WDPCP: variants seen among roughly 807,000 people sequenced by gnomAD.
The protein encoded by WDPCP is WD repeat-containing and planar cell polarity effector protein fritz homolog.
In WDPCP, 71 loss-of-function variants were observed where a neutral mutation model predicts 93.1. The observed-to-expected ratio is 0.76, with a 90% CI of 0.63 to 0.93. The LOEUF is 0.93. WDPCP is among the 40% of genes least tolerant of loss of function. The probability of loss-of-function intolerance (pLI) is 0.00; values close to 1 mark genes in which losing one functional copy is unlikely to be tolerated. For synonymous variants in WDPCP, 315 were observed against 315.0 expected (o/e 1.00, Z 0.00); for missense variants, 844 against 887.4 (o/e 0.95, Z 0.62).
At chr2:63,470,599 A>T (rs986645687) in intron 6 of WDPCP, among the ~76,000 whole-genome samples, 2 of 152,172 alleles carry the variant, frequency 1.3e-5, no homozygotes, top group Non-Finnish European at 2.9e-5. Flanking sequence ...CTACGGCAAC[A>T]GCCTTCTAAC....
At chr2:63,300,419 C>A (rs1685238156) in intron 13 of WDPCP, among the ~76,000 whole-genome samples, 1 of 152,104 alleles carries the variant, frequency 6.6e-6, no homozygotes, top group African/African-American at 2.4e-5. Flanking sequence ...CCATTTTAGA[C>A]CTTTCATGGA....
chr2:63,255,538 C>G (rs867734764), intron 14 of WDPCP, among the ~76,000 whole-genome samples: 1 of 152,022 alleles, frequency 6.6e-6, no homozygotes, highest in African/African-American at 2.4e-5. Flanking sequence ...TTTACAGGAG[C>G]CTGGGTCCTC....
chr2:63,384,957 T>TA (rs1692612040), intron 10 of WDPCP, among the ~76,000 whole-genome samples: 1 of 151,900 alleles, frequency 6.6e-6, no homozygotes. Context: ...AGCAATATAT[T>TA]AAAAAGATAA....
chr2:63,718,094 T>C (rs925568684), intron 2 of WDPCP, among the ~76,000 whole-genome samples: 1 of 152,066 alleles, frequency 6.6e-6, no homozygotes, highest in African/African-American at 2.4e-5. Flanking sequence ...CCCATATATA[T>C]GATAAATATA....
chr2:63,215,217 C>A (rs1159665297), intron 14 of WDPCP, among the ~76,000 whole-genome samples: 2 of 152,178 alleles, frequency 1.3e-5, no homozygotes, highest in Non-Finnish European at 2.9e-5. Context: ...TACCTGACTT[C>A]AAACTACACT....
chr2:63,680,904 C>T (rs1267966571), intron 2 of WDPCP, among the ~76,000 whole-genome samples: 1 of 152,040 alleles, frequency 6.6e-6, no homozygotes, highest in African/African-American at 2.4e-5. Context: ...CATTCCAGGC[C>T]CTAGCTCCTG....
chr2:63,186,113 TCCTTAGAACCAATGGAGTTGAATCCCA>T (rs1674621702), intron 14 of WDPCP, among the ~76,000 whole-genome samples: 1 of 152,062 alleles, frequency 6.6e-6, no homozygotes, highest in South Asian at 2.1e-4. Context: ...TCCCTCTCAC[TCCTTAGAACCAATGGAGTTGAATCCCA>T]CCCTGGCATG....
At chr2:63,581,468 G>C (rs547493659) in intron 1 of WDPCP, among the ~76,000 whole-genome samples, 3 of 152,098 alleles carry the variant, frequency 2.0e-5, no homozygotes, top group Non-Finnish European at 4.4e-5. Context: ...CACTCATATC[G>C]GGCTGGGAAT....
chr2:63,142,923 T>TACACACACAC (rs1242494155), intron 17 of WDPCP, among the ~76,000 whole-genome samples: 1 of 105,806 alleles, frequency 9.5e-6, no homozygotes, highest in East Asian at 4.3e-4. Context: ...CACATACATA[T>TACACACACAC]ACACACACAC....
chr2:63,604,904 G>T, intron 3 of WDPCP: 1 of 1,606,908 alleles, frequency 6.2e-7, no homozygotes, highest in South Asian at 1.1e-5. Context: ...TCTTAACACT[G>T]AGCGTAAAGA....
chr2:63,342,131 A>G (rs1230517550), intron 12 of WDPCP, among the ~76,000 whole-genome samples: 2 of 152,156 alleles, frequency 1.3e-5, no homozygotes, highest in South Asian at 2.1e-4. Flanking sequence ...GCAGTTCACA[A>G]TAAGGTTCAT....
chr2:63,496,216 C>T (rs916507968), intron 1 of WDPCP, among the ~76,000 whole-genome samples: 1 of 151,984 alleles, frequency 6.6e-6, no homozygotes, highest in Admixed American at 6.6e-5. Flanking sequence ...TAGATGAAAC[C>T]AAAAGACTGC....
intron 3 of WDPCP, chr2:63,599,182 G>A (rs1709374896): frequency 6.2e-7 from 1 of 1,613,378 alleles, no homozygotes; most frequent in Admixed American, 1.7e-5. Flanking sequence ...TATTGTTGTG[G>A]GTAATCCAGC....
intron 3 of WDPCP, chr2:63,594,523 T>C (rs781426519): frequency 3.1e-6 from 5 of 1,613,968 alleles, no homozygotes; most frequent in Non-Finnish European, 4.2e-6. Context: ...CTGGAGCAGC[T>C]GGTCAAATTG....
At chr2:63,558,157 C>A (rs1256625304) in intron 1 of WDPCP, among the ~76,000 whole-genome samples, 1 of 151,608 alleles carries the variant, frequency 6.6e-6, no homozygotes, top group Non-Finnish European at 1.5e-5. Context: ...GACATAAAAA[C>A]CTCTTAAAAA....
In WDPCP at chr2:63,313,322, G is replaced by A; in HGVS notation, c.1749-11C>T. ...TCAAACCTCTGGTACCTACAAGGCA[G>A]AAAAAAATATTATGTTAGTTGTGAA... On this transcript the variant is annotated splice_polypyrimidine_tract_variant and intron_variant, in intron 12 of 17. Coordinates refer to ENST00000272321, the MANE Select transcript of WDPCP (RefSeq NM_015910.7). 1.2e-6 allele frequency: 2 copies of A among 1,612,026 alleles called. No individual in the cohort carries two copies. Among genetic ancestry groups the A allele is most frequent in the Admixed American group, 1.7e-5 (1 of 59,960 alleles).
chr2:63,710,441 T>C (rs929893939), intron 2 of WDPCP, among the ~76,000 whole-genome samples: 1 of 152,206 alleles, frequency 6.6e-6, no homozygotes, highest in Non-Finnish European at 1.5e-5. Flanking sequence ...AGATACTATA[T>C]GCTATTGCTG....
intron 12 of WDPCP, among the ~76,000 whole-genome samples, chr2:63,349,330 A>T (rs925483782): frequency 6.6e-6 from 1 of 152,134 alleles, no homozygotes; most frequent in African/African-American, 2.4e-5. Context: ...GTATAGAAGT[A>T]CAATTTTATT....
At position 63,313,237 on chromosome 2, in the gene WDPCP, A is replaced by G; in HGVS notation, c.1812+11T>C. On this transcript the variant is annotated intron_variant, in intron 13 of 17. Coordinates refer to ENST00000272321, the MANE Select transcript of WDPCP (RefSeq NM_015910.7). The stretch of plus-strand genomic sequence containing the variant: ...ACTGAAGGCACAAAATCATCTCTGA[A>G]AATGACTCACCATAAAGAGGTCACG... 6.2e-7 allele frequency: 1 copy of G among 1,613,024 alleles called. No individual in the cohort carries two copies. The highest frequency in any genetic ancestry group is 2.2e-5 in the East Asian group (1 of 44,788).
Sources: allele counts gnomAD v4.1 joint callset (sites outside exome capture counted in the v4.1 genomes callset), GRCh38; gene constraint gnomAD v4.1.1; transcripts MANE v1.5; gene names NCBI Gene and HGNC (gene_info 2026-07-23, HGNC 2026-07-21).